Variants in STYXL2 observed in about 807,000 individuals in gnomAD.
STYXL2 encodes the protein serine/threonine/tyrosine interacting like 2.
In STYXL2, 44 loss-of-function variants were observed where a neutral mutation model predicts 52.4. That is an observed-to-expected ratio of 0.84 (90% confidence interval 0.66 to 1.08). The LOEUF is 1.08. Among genes scored for constraint, STYXL2 ranks in the 50% least tolerant of loss-of-function variants. STYXL2 has a pLI of 0.00. For synonymous variants in STYXL2, 604 were observed against 586.9 expected, an observed-to-expected ratio of 1.03 and a Z score of -0.42; for missense variants, 1,604 against 1,471.7, an observed-to-expected ratio of 1.09 and a Z score of -1.47.
rs375319011 is a variant in STYXL2 at position 167,128,359 on chromosome 1, G to A, written c.3228G>A (p.Lys1076=). The A allele has an allele frequency of 1.9e-6, 3 of 1,614,172 alleles. No homozygotes were observed. Among genetic ancestry groups the A allele is most frequent in the South Asian group, 1.1e-5 (1 of 91,078 alleles). ...RDWEDVEESS[K]SDFSEFGAKR... ...GGGAAGATGTGGAAGAGTCATCCAAGTCAGACTTCTCTGAATTTGGAGCCA... is the reference window on the plus strand; with the variant it reads ...GGGAAGATGTGGAAGAGTCATCCAAATCAGACTTCTCTGAATTTGGAGCCA... Residue 1076 remains lysine (K), a synonymous_variant, in exon 6 of 6, where the codon AAG becomes AAA. Transcript: ENST00000361200.
intron 2 of STYXL2, among the ~76,000 whole-genome samples, chr1:167,096,004 T>C (rs10800282): frequency 0.055 from 8,309 of 152,052 alleles, 328 homozygotes; most frequent in Middle Eastern, 0.095. Flanking sequence ...TCCTTTAAAA[T>C]TCAGCATTAT....
intron 5 of STYXL2, among the ~76,000 whole-genome samples, chr1:167,121,477 T>C (rs1218344724): frequency 6.6e-6 from 1 of 152,180 alleles, no homozygotes; most frequent in Admixed American, 6.5e-5. Context: ...TCCAGGCGTG[T>C]GGACACGGCC....
At position 167,126,721 on chromosome 1, in the gene STYXL2, C is replaced by G. The variant is rs752603286; in HGVS notation, c.1590C>G (p.Phe530Leu). Residue 530 changes from phenylalanine to leucine, a missense_variant, in exon 6 of 6, where the codon TTC (phenylalanine) becomes TTG (leucine). Phe to Leu is a conservative substitution (Grantham distance 22). Coordinates refer to ENST00000361200, the MANE Select transcript of STYXL2 (RefSeq NM_001080426.3). ...GCGTGGGCTCTGAGGCCAGTTCCTT[C>G]TACAACTTCTGCAGCAGGAACAAGG... ...EDSVGSEASS[F>L]YNFCSRNKDK... The G allele has an allele frequency of 6.2e-7, 1 of 1,614,158 alleles. No individual in the cohort carries two copies. The highest frequency in any genetic ancestry group is 2.2e-5 in the East Asian group (1 of 44,874).
In STYXL2 at chr1:167,126,574, C is replaced by G. The variant is rs1312338200; in HGVS notation, c.1443C>G (p.Asn481Lys). The change falls in exon 6 of 6, where the codon AAC (asparagine) becomes AAG (lysine). Residue 481 changes from asparagine to lysine, a missense_variant. Coordinates refer to ENST00000361200, the MANE Select transcript of STYXL2 (RefSeq NM_001080426.3). ...MSSESTWDAW[N>K]ERLLEIEKEA... is the part of the protein sequence containing the mutation. ...CGGAGAGCACCTGGGACGCATGGAA[C>G]GAGAGGCTGCTGGAGATTGAGAAGG... is the stretch of plus-strand genomic sequence containing the variant. 4 of 1,613,818 alleles carry G rather than the reference C, an allele frequency of 2.5e-6. No individual in the cohort carries two copies. The highest frequency in any genetic ancestry group is 1.7e-5 in the Admixed American group (1 of 59,994).
intron 2 of STYXL2, among the ~76,000 whole-genome samples, chr1:167,110,680 CT>C (rs1667599388): frequency 6.6e-6 from 1 of 152,140 alleles, no homozygotes; most frequent in Non-Finnish European, 1.5e-5. Flanking sequence ...ATTTTTCCAC[CT>C]TGGTGATTGT....
chr1:167,121,239 C>T (rs1369567124), intron 5 of STYXL2, among the ~76,000 whole-genome samples: 1 of 152,276 alleles, frequency 6.6e-6, no homozygotes, highest in Admixed American at 6.5e-5. Context: ...TCTCGAACTC[C>T]TAACCTCAGG....
intron 5 of STYXL2, among the ~76,000 whole-genome samples, chr1:167,123,554 C>G (rs898921308): frequency 2.6e-5 from 4 of 152,204 alleles, no homozygotes; most frequent in African/African-American, 7.2e-5. Flanking sequence ...CAGCTAAGCC[C>G]TGACTGAGGA....
At position 167,127,964 on chromosome 1, in the gene STYXL2, G is replaced by C; in HGVS notation, c.2833G>C (p.Glu945Gln). ...INKWLSGLRTEEKPPFQSDWS... is the reference protein window; with the variant it reads ...INKWLSGLRTQEKPPFQSDWS... ...TAAGTGGCTCAGTGGCCTCAGGACG[G>C]AGGAAAAACCTCCTTTCCAAAGTGA... The change falls in exon 6 of 6, where the codon GAG (glutamate) becomes CAG (glutamine). Residue 945 changes from glutamate (E) to glutamine (Q), a missense_variant. By Grantham distance (29) the Glu-to-Gln change is conservative (BLOSUM62 2). Coordinates refer to ENST00000361200, the MANE Select transcript of STYXL2 (RefSeq NM_001080426.3). 6.2e-7 allele frequency: 1 copy of C among 1,614,196 alleles called. No individual in the cohort carries two copies. Among genetic ancestry groups the C allele is most frequent in the Non-Finnish European group, 8.5e-7 (1 of 1,180,036 alleles).
chr1:167,124,559 A>G (rs553593885), intron 5 of STYXL2, among the ~76,000 whole-genome samples: 38 of 152,284 alleles, frequency 2.5e-4, no homozygotes, highest in African/African-American at 8.2e-4. Context: ...GAAGGATGCA[A>G]AGCCGAAAAG....
Position 167,126,566 on chromosome 1 carries a change from G to A in STYXL2, c.1435G>A (p.Ala479Thr). 3.1e-6 allele frequency: 5 copies of A among 1,613,998 alleles called. No individual in the cohort carries two copies. Among genetic ancestry groups the A allele is most frequent in the African/African-American group, 1.3e-5 (1 of 75,048 alleles). ...DSMSSESTWDAWNERLLEIEK... is the reference protein window; with the variant it reads ...DSMSSESTWDTWNERLLEIEK... ...GATGTCCTCGGAGAGCACCTGGGAC[G>A]CATGGAACGAGAGGCTGCTGGAGAT... is the stretch of plus-strand genomic sequence containing the variant. Residue 479 changes from alanine to threonine, a missense_variant, in exon 6 of 6, where the codon GCA becomes ACA. By Grantham distance (58) the Ala-to-Thr change is moderately conservative. Coordinates refer to ENST00000361200, the MANE Select transcript of STYXL2 (RefSeq NM_001080426.3).
rs1168345054 is a variant in STYXL2 at position 167,126,701 on chromosome 1, G to C, written c.1570G>C (p.Gly524Arg). The change falls in exon 6 of 6, where the codon GGC becomes CGC. Residue 524 changes from glycine to arginine, a missense_variant. Physicochemically the swap from Gly to Arg is moderately radical, Grantham distance 125 (BLOSUM62 -2). Transcript: ENST00000361200. The part of the protein sequence containing the change: ...RVREDDEDSV[G>R]SEASSFYNFC... ...GCGGGAGGATGATGAGGACAGCGTG[G>C]GCTCTGAGGCCAGTTCCTTCTACAA... is the stretch of plus-strand genomic sequence containing the variant. 1 of 1,614,210 alleles carries C rather than the reference G, an allele frequency of 6.2e-7. No individual in the cohort carries two copies. Among genetic ancestry groups the C allele is most frequent in the Non-Finnish European group, 8.5e-7 (1 of 1,180,034 alleles).
intron 2 of STYXL2, among the ~76,000 whole-genome samples, chr1:167,111,123 C>A (rs543368958): frequency 2.6e-5 from 4 of 152,106 alleles, no homozygotes; most frequent in Non-Finnish European, 5.9e-5. Flanking sequence ...ATGACCAAAC[C>A]TGAGAATAAT....
At chr1:167,104,380 G>A (rs1170227676) in intron 2 of STYXL2, among the ~76,000 whole-genome samples, 4 of 152,060 alleles carry the variant, frequency 2.6e-5, no homozygotes, top group Non-Finnish European at 4.4e-5. Context: ...GAACTGCTTG[G>A]TAAGGCTCGA....
chr1:167,100,031 A>G (rs1667369271), intron 2 of STYXL2, among the ~76,000 whole-genome samples: 1 of 152,252 alleles, frequency 6.6e-6, no homozygotes, highest in Non-Finnish European at 1.5e-5. Context: ...ATAGCTCTGG[A>G]GGCTGGAAAG....
Position 167,126,858 on chromosome 1 carries a change from T to C in STYXL2, c.1727T>C (p.Val576Ala), listed in dbSNP as rs753162739. 2 of 1,613,942 alleles carry C rather than the reference T, an allele frequency of 1.2e-6. No individual in the cohort carries two copies. Among genetic ancestry groups the C allele is most frequent in the Admixed American group, 1.7e-5 (1 of 60,000 alleles). ...GGTGAGCCCGGTGCAGAGGAGGCAG[T>C]AGGGGAGAAGAACCCCTCCGACGTC... ...SSGEPGAEEA[V>A]GEKNPSDVSL... Residue 576 changes from valine to alanine, a missense_variant, in exon 6 of 6, where the codon GTA becomes GCA. Coordinates refer to ENST00000361200, the MANE Select transcript of STYXL2 (RefSeq NM_001080426.3).
At chr1:167,115,575 CCG>C (rs1197904156) in intron 3 of STYXL2, among the ~76,000 whole-genome samples, 1 of 152,206 alleles carries the variant, frequency 6.6e-6, no homozygotes, top group East Asian at 1.9e-4. Flanking sequence ...GAAGACAACA[CCG>C]TGTATTTTAA....
intron 4 of STYXL2, among the ~76,000 whole-genome samples, chr1:167,117,827 T>G (rs1667762740): frequency 6.6e-6 from 1 of 152,228 alleles, no homozygotes; most frequent in Non-Finnish European, 1.5e-5. Context: ...CTGGGCCTCC[T>G]TTCCTGCCAC....
chr1:167,121,458 C>A lies in STYXL2; in HGVS notation c.655+1992C>A, dbSNP rs111459891. Among the ~76,000 whole-genome samples, 461 of 152,364 alleles carry A rather than the reference C, an allele frequency of 3.0e-3. 1 individual carries two copies. The highest frequency in any genetic ancestry group is 0.01 in the African/African-American group (422 of 41,594). On this transcript the variant is annotated intron_variant, in intron 5 of 5. Transcript: ENST00000361200. The stretch of plus-strand genomic sequence containing the variant: ...GACCTCGAGGCGGAGCGGGTACGCT[C>A]GCAATAGCTCCAGGCGTGTGGACAC...
rs769193077 is a variant in STYXL2, at chr1:167,119,449, C to T, written c.638C>T (p.Ala213Val). 1.5e-5 allele frequency: 24 copies of T among 1,613,934 alleles called. No homozygotes were observed. Among genetic ancestry groups the T allele is most frequent in the South Asian group, 5.5e-5 (5 of 91,090 alleles). The part of the protein sequence containing the change: ...FRKASEFLDE[A>V]LLTYRGKVLV... ...AAGGCGTCTGAGTTCCTGGATGAGG[C>T]GCTGCTGACTTACAGAGGTGAGAGG... Residue 213 changes from alanine (A) to valine (V), a missense_variant, in exon 5 of 6, where the codon GCG becomes GTG. Transcript: ENST00000361200.
Sources: gnomAD v4.1 joint callset for allele counts (sites outside exome capture counted in the v4.1 genomes callset) on GRCh38, gnomAD v4.1.1 for gene constraint, MANE v1.5 for transcripts, NCBI Gene and HGNC (gene_info 2026-07-23, HGNC 2026-07-21) for gene names.